The following ACTL6A variants were observed in gnomAD, a reference collection of about 807,000 sequenced individuals.
ACTL6A encodes the protein actin like 6A.
A neutral mutation model predicts 59.2 loss-of-function variants in ACTL6A; 5 were observed. The observed-to-expected ratio is 0.08, with a 90% confidence interval of 0.04 to 0.18. The LOEUF is 0.18. Among genes scored for constraint, ACTL6A ranks in the 10% least tolerant of loss-of-function variants. The pLI is 1.00. For missense variants in ACTL6A, 285 were observed against 526.9 expected (o/e 0.54, Z 4.49); for synonymous variants, 154 against 171.8 (o/e 0.90, Z 0.81).
intron 1 of ACTL6A, among the ~76,000 whole-genome samples, chr3:179,565,727 G>C (rs1320013341): frequency 6.6e-6 from 1 of 152,060 alleles, no homozygotes; most frequent in Non-Finnish European, 1.5e-5. Context: ...ACTGCTACCA[G>C]ATTTTGCTAC....
chr3:179,587,866 A>T (rs6443659), intron 13 of ACTL6A, 64 bp from the exon 14 acceptor site: 830,235 of 1,351,102 alleles, frequency 0.61, 249,939 homozygotes, highest in East Asian at 0.87. Context: ...AAAAAAAAAA[A>T]TTTTTTAAGC....
chr3:179,580,689 C>A lies in ACTL6A; in HGVS notation c.818C>A (p.Thr273Asn). The A allele has an allele frequency of 1.2e-6, 2 of 1,605,128 alleles. No individual in the cohort carries two copies. The highest frequency in any genetic ancestry group is 1.7e-6 in the Non-Finnish European group (2 of 1,174,286). The stretch of plus-strand genomic sequence containing the variant: ...TCGGTACTTCAAGTGTCAGATTCAA[C>A]TTATGATGAACAGTATGTTTTCTTA... The part of the protein sequence containing the change: ...QASVLQVSDS[T>N]YDEQVAAQMP... Residue 273 changes from threonine to asparagine, a missense_variant, in exon 9 of 14, where the codon ACT becomes AAT. Physicochemically the swap from Thr to Asn is moderately conservative, Grantham distance 65. Transcript: ENST00000429709.
intron 5 of ACTL6A, chr3:179,575,014 T>C (rs1718124093): frequency 5.3e-6 from 1 of 188,414 alleles, no homozygotes; most frequent in East Asian, 1.5e-4. Flanking sequence ...TTTATTTATT[T>C]ATTTATTTGG....
In ACTL6A at chr3:179,574,358, CCTCTT is replaced by C; in HGVS notation, c.379-8_379-4del. 2 of 1,549,668 alleles carry C rather than the reference CCTCTT, an allele frequency of 1.3e-6. No individual in the cohort carries two copies. The highest frequency in any genetic ancestry group is 1.8e-6 in the Non-Finnish European group (2 of 1,124,270). On this transcript the variant is annotated splice_region_variant and splice_polypyrimidine_tract_variant and intron_variant, in intron 4 of 13. Coordinates refer to ENST00000429709, the MANE Select transcript of ACTL6A (RefSeq NM_004301.5). ...CTTAATAACTTGCATTTCTTTTTCC[CCTCTT>C]CTCAAGTGGAATACTAGAGCAAAGA...
At chr3:179,568,986 G>T (rs1717921324) in intron 1 of ACTL6A, among the ~76,000 whole-genome samples, 1 of 152,216 alleles carries the variant, frequency 6.6e-6, no homozygotes, top group African/African-American at 2.4e-5. Flanking sequence ...CTTGCAACCT[G>T]TATGAGAGAG....
intron 8 of ACTL6A, among the ~76,000 whole-genome samples, chr3:179,579,341 A>AAT (rs1337987003): frequency 6.6e-6 from 1 of 152,106 alleles, no homozygotes; most frequent in African/African-American, 2.4e-5. Context: ...CTGTTGATAG[A>AAT]AATTAATGTG....
At chr3:179,573,101 G>T in intron 3 of ACTL6A, 7 of 240,580 alleles carry the variant, frequency 2.9e-5, no homozygotes, top group East Asian at 1.6e-4. Flanking sequence ...TTATTGAATT[G>T]AATAACATTT....
intron 1 of ACTL6A, among the ~76,000 whole-genome samples, chr3:179,567,410 T>G (rs1274706910): frequency 1.3e-5 from 2 of 151,998 alleles, no homozygotes; most frequent in Non-Finnish European, 2.9e-5. Flanking sequence ...AAGACTCTGG[T>G]TTCAAGTACA....
chr3:179,573,163 G>A, intron 3 of ACTL6A: 2 of 419,068 alleles, frequency 4.8e-6, no homozygotes, highest in Non-Finnish European at 8.4e-6. Context: ...AGGTCTGGGG[G>A]CTGGAGGGAC....
At position 179,563,128 on chromosome 3, in the gene ACTL6A, G is replaced by A. The variant is rs555653800; in HGVS notation, c.25+11G>A. On this transcript the variant is annotated intron_variant, in intron 1 of 13. Coordinates refer to ENST00000429709, the MANE Select transcript of ACTL6A (RefSeq NM_004301.5). ...GCGTGTACGGGGGAGGTGAGTGAGT[G>A]CGGCCGGACGAGAGAGCGCGCCTTT... 3 of 1,611,676 alleles carry A rather than the reference G, an allele frequency of 1.9e-6. No individual in the cohort carries two copies. Among genetic ancestry groups the A allele is most frequent in the Admixed American group, 1.7e-5 (1 of 59,884 alleles).
At position 179,570,347 on chromosome 3, in the gene ACTL6A, T is replaced by G; in HGVS notation, c.277+106T>G. 9.0e-7 allele frequency: 1 copy of G among 1,105,458 alleles called. No homozygotes were observed. The highest frequency in any genetic ancestry group is 1.2e-6 in the Non-Finnish European group (1 of 810,072). The allele number at this position is 1,105,458 out of a possible 1,614,324, so 68.5% of individuals were successfully genotyped here. On this transcript the variant is annotated intron_variant, in intron 3 of 13. Coordinates refer to ENST00000429709, the MANE Select transcript of ACTL6A (RefSeq NM_004301.5). This position sits in a 1 kb window ranked among gnomAD's most constrained non-coding sequence, Gnocchi z 4.3. Reference sequence around the variant, plus strand: ...GAACATCAACCATGGTTTTTTGTTTTGTTTTGTTTTTTATTCCACAAACTG... The same window carrying G: ...GAACATCAACCATGGTTTTTTGTTTGGTTTTGTTTTTTATTCCACAAACTG...
chr3:179,569,792 C>A, intron 1 of ACTL6A, 32 bp from the exon 2 acceptor site: 1 of 1,588,422 alleles, frequency 6.3e-7, no homozygotes, highest in Non-Finnish European at 8.6e-7. Context: ...CTTTTGCAAG[C>A]TGTTAATGCT....
chr3:179,573,724 C>G (rs962166364), intron 4 of ACTL6A, among the ~76,000 whole-genome samples: 1 of 151,994 alleles, frequency 6.6e-6, no homozygotes, highest in Non-Finnish European at 1.5e-5. Context: ...TTATGTATTT[C>G]TAGGGATTTG....
chr3:179,577,293 ACTAGTATGTCT>A (rs1484183689), intron 8 of ACTL6A, among the ~76,000 whole-genome samples: 1 of 152,182 alleles, frequency 6.6e-6, no homozygotes, highest in Non-Finnish European at 1.5e-5. Context: ...GTAGAGGCCT[ACTAGTATGTCT>A]CAGTTATGTT....
chr3:179,586,483 A>G, intron 12 of ACTL6A, 63 bp from the exon 13 acceptor site: 2 of 1,270,364 alleles, frequency 1.6e-6, no homozygotes, highest in Non-Finnish European at 2.1e-6. Flanking sequence ...AAAAAAAAAA[A>G]AAAGAATTTT....
intron 8 of ACTL6A, 87 bp downstream of exon 8, chr3:179,577,000 G>A: frequency 1.0e-6 from 1 of 973,348 alleles, no homozygotes; most frequent in Non-Finnish European, 1.5e-6. Flanking sequence ...GTAAATCCTT[G>A]AGTAAAATAT....
chr3:179,577,509 A>T (rs1325070020), intron 8 of ACTL6A, among the ~76,000 whole-genome samples: 1 of 152,040 alleles, frequency 6.6e-6, no homozygotes, highest in East Asian at 1.9e-4. Flanking sequence ...CTGTTACTTT[A>T]GGTTCAGGGG....
At chr3:179,576,540 A>T in intron 6 of ACTL6A, 80 bp from the exon 7 acceptor site, 1 of 1,123,522 alleles carries the variant, frequency 8.9e-7, no homozygotes, top group Non-Finnish European at 1.3e-6. Context: ...AGTTATTCAC[A>T]TAAATACACC....
At chr3:179,584,797 C>A (rs975680776) in intron 12 of ACTL6A, among the ~76,000 whole-genome samples, 12 of 151,494 alleles carry the variant, frequency 7.9e-5, no homozygotes, top group East Asian at 7.7e-4. Flanking sequence ...GAAAAAAAAA[C>A]AACAACAACA....
Sources: gnomAD v4.1 joint callset for allele counts (sites outside exome capture counted in the v4.1 genomes callset) on GRCh38, gnomAD v4.1.1 for gene constraint, Gnocchi (gnomAD v3.1) non-coding constraint, MANE v1.5 for transcripts, NCBI Gene and HGNC (gene_info 2026-07-23, HGNC 2026-07-21) for gene names.